The following PPP1R21 variants were observed in gnomAD, a reference collection of about 807,000 sequenced individuals.
PPP1R21 encodes protein phosphatase 1 regulatory subunit 21, also known as KLRAQ motif containing 1.
A neutral mutation model predicts 112.8 loss-of-function variants in PPP1R21; 85 were observed. The observed-to-expected ratio is 0.75, with a 90% confidence interval of 0.63 to 0.90. The LOEUF (loss-of-function observed/expected upper bound fraction) is 0.90, where lower values mean the gene tolerates loss of function less well. PPP1R21 is among the 40% of genes least tolerant of loss of function. PPP1R21 has a pLI of 0.00. For synonymous variants in PPP1R21, 381 were observed against 322.3 expected, an observed-to-expected ratio of 1.18 and a Z score of -1.95; for missense variants, 1,199 against 901.5, an observed-to-expected ratio of 1.33 and a Z score of -4.23.
intron 1 of PPP1R21, among the ~76,000 whole-genome samples, chr2:48,442,048 T>C (rs1308668548): frequency 2.0e-5 from 3 of 152,252 alleles, no homozygotes; most frequent in Non-Finnish European, 2.9e-5. Flanking sequence ...GACACTACAC[T>C]TATTTCAGTG....
At chr2:48,455,704 C>G (rs1366561204) in intron 3 of PPP1R21, among the ~76,000 whole-genome samples, 1 of 152,006 alleles carries the variant, frequency 6.6e-6, no homozygotes, top group Admixed American at 6.6e-5. Context: ...GGGAGATTGT[C>G]AAAGCGTTAC....
Position 48,454,618 on chromosome 2 carries a change from G to C in PPP1R21, c.150G>C (p.Gln50His). 1 of 1,614,150 alleles carries C rather than the reference G, an allele frequency of 6.2e-7. No homozygotes were observed. The highest frequency in any genetic ancestry group is 8.5e-7 in the Non-Finnish European group (1 of 1,179,978). The change falls in exon 3 of 22, where the codon CAG becomes CAC. Residue 50 changes from glutamine to histidine, a missense_variant. Coordinates refer to ENST00000294952, the MANE Select transcript of PPP1R21 (RefSeq NM_001135629.3). Reference sequence around the variant, plus strand: ...AGGAGCAACTGAAAATGAAGGATCAGTCATTGAGAAAACTACAACAGGAAA... The same window carrying C: ...AGGAGCAACTGAAAATGAAGGATCACTCATTGAGAAAACTACAACAGGAAA... ...ALKEQLKMKD[Q>H]SLRKLQQEMD...
At chr2:48,497,985 T>C (rs1335040961) in intron 16 of PPP1R21, among the ~76,000 whole-genome samples, 2 of 152,160 alleles carry the variant, frequency 1.3e-5, no homozygotes, top group Non-Finnish European at 2.9e-5. Context: ...TTTACAAACA[T>C]GTCCATTTTT....
chr2:48,493,602 A>G (rs1025638026), intron 15 of PPP1R21, among the ~76,000 whole-genome samples: 1 of 9,030 alleles, frequency 1.1e-4, no homozygotes, highest in East Asian at 1.3e-3. Flanking sequence ...AAATACATAA[A>G]TAAATAAATT....
intron 21 of PPP1R21, among the ~76,000 whole-genome samples, chr2:48,513,804 T>A (rs1275605550): frequency 6.6e-6 from 1 of 152,192 alleles, no homozygotes; most frequent in East Asian, 1.9e-4. Context: ...GCCTAAGAGT[T>A]AAATACAGGA....
intron 16 of PPP1R21, 88 bp downstream of exon 16, chr2:48,495,859 C>T: frequency 1.4e-6 from 1 of 736,360 alleles, no homozygotes; most frequent in Non-Finnish European, 2.4e-6. Flanking sequence ...TAGAATGATT[C>T]AAAAGTCTGC....
At chr2:48,476,501 T>C (rs1175583771) in intron 12 of PPP1R21, among the ~76,000 whole-genome samples, 1 of 152,244 alleles carries the variant, frequency 6.6e-6, no homozygotes, top group East Asian at 1.9e-4. Context: ...GTGGCAACTC[T>C]GCTTAACTGT....
At chr2:48,465,085 T>G in intron 8 of PPP1R21, 96 bp downstream of exon 8, 1 of 922,348 alleles carries the variant, frequency 1.1e-6, no homozygotes, top group Non-Finnish European at 1.7e-6. Flanking sequence ...GTTTAGTGCA[T>G]TCAGTCATTG....
chr2:48,472,329 G>C (rs1464377969), intron 11 of PPP1R21, among the ~76,000 whole-genome samples: 1 of 144,012 alleles, frequency 6.9e-6, no homozygotes, highest in African/African-American at 2.6e-5. Flanking sequence ...ATAAAATTTA[G>C]AAAATAAGTA....
At chr2:48,491,201 G>A (rs1456116420) in intron 15 of PPP1R21, 31 bp downstream of exon 15, 1 of 1,599,824 alleles carries the variant, frequency 6.3e-7, no homozygotes, top group South Asian at 1.1e-5. Context: ...ATTTAAATCA[G>A]AGGAAACATC....
At chr2:48,488,917 A>G (rs1175349971) in intron 14 of PPP1R21, among the ~76,000 whole-genome samples, 2 of 152,206 alleles carry the variant, frequency 1.3e-5, no homozygotes. Flanking sequence ...AAGAAACCTC[A>G]CAATGTACTA....
intron 3 of PPP1R21, among the ~76,000 whole-genome samples, chr2:48,457,105 T>A (rs1313911176): frequency 6.6e-6 from 1 of 151,746 alleles, no homozygotes; most frequent in African/African-American, 2.4e-5. Context: ...GGGGAGAGAA[T>A]AGTCATCTGA....
chr2:48,478,222 A>G (rs1668845426), intron 12 of PPP1R21, among the ~76,000 whole-genome samples: 1 of 152,160 alleles, frequency 6.6e-6, no homozygotes, highest in African/African-American at 2.4e-5. Context: ...GAGAAAATAA[A>G]TTTCTGTTGT....
chr2:48,445,196 T>C (rs1213566914), intron 1 of PPP1R21, among the ~76,000 whole-genome samples: 1 of 146,050 alleles, frequency 6.8e-6, no homozygotes, highest in East Asian at 2.2e-4. Flanking sequence ...TAAAGTTGGG[T>C]TGGAAAACAG....
At chr2:48,465,433 A>C in intron 8 of PPP1R21, 60 bp from the exon 9 acceptor site, 1 of 1,474,668 alleles carries the variant, frequency 6.8e-7, no homozygotes, top group Non-Finnish European at 9.2e-7. Flanking sequence ...AGACTCAATA[A>C]AGTTCTTTTA....
intron 3 of PPP1R21, among the ~76,000 whole-genome samples, chr2:48,455,475 A>G (rs1207826101): frequency 6.6e-6 from 1 of 152,022 alleles, no homozygotes; most frequent in East Asian, 1.9e-4. Flanking sequence ...CCGTTGTTAC[A>G]CCTGGATATT....
Position 48,515,216 on chromosome 2 carries a change from T to TTCTGTCTCTCTCTC in PPP1R21, c.*475_*476insGTCTCTCTCTCTCT, listed in dbSNP as rs1553350047. On this transcript the variant is annotated 3_prime_UTR_variant, in exon 22 of 22. Coordinates refer to ENST00000294952, the MANE Select transcript of PPP1R21 (RefSeq NM_001135629.3). Reference sequence around the variant, plus strand: ...TTCTTTTTAAAAGATTTGTTCATATTTCTCTCTCTCTCTCTCTCTCTCTCT... The same window carrying TTCTGTCTCTCTCTC: ...TTCTTTTTAAAAGATTTGTTCATATTTCTGTCTCTCTCTCTCTCTCTCTCTCTCTCTCTCTCTCT... The TTCTGTCTCTCTCTC allele has an allele frequency of 7.3e-6, 1 of 136,890 alleles. No homozygotes were observed. Among genetic ancestry groups the TTCTGTCTCTCTCTC allele is most frequent in the Admixed American group, 7.5e-5 (1 of 13,316 alleles). The allele number at this position is 136,890 out of a possible 1,614,324, so 8.5% of individuals were successfully genotyped here. A position where few individuals can be genotyped will look rare whatever the true frequency, so the allele number is the denominator to read the frequency against.
intron 9 of PPP1R21, among the ~76,000 whole-genome samples, chr2:48,469,452 CATATATATATATAGAGCAT>C (rs1228215808): frequency 0.033 from 1,149 of 34,456 alleles, 188 homozygotes; most frequent in African/African-American, 0.039. Context: ...ATAGAGAGAG[CATATATATATATAGAGCAT>C]ATATATATAT....
rs1479565930 is a variant in PPP1R21 at position 48,514,915 on chromosome 2, A to G, written c.*171A>G. ...CTTGAAATATTTAAAACATATTTGT[A>G]ACCAGTGAGGCAAATACAGAAGTTG... On this transcript the variant is annotated 3_prime_UTR_variant, in exon 22 of 22. Transcript: ENST00000294952. The G allele has an allele frequency of 5.0e-6, 3 of 600,934 alleles. No homozygotes were observed. In the East Asian group the frequency reaches 8.4e-5, roughly 17 times the overall value. 37.2% of individuals were successfully genotyped at this position (600,934 alleles called of 1,614,324 possible).
Sources: allele counts gnomAD v4.1 joint callset (sites outside exome capture counted in the v4.1 genomes callset), GRCh38; gene constraint gnomAD v4.1.1; transcripts MANE v1.5; gene names NCBI Gene and HGNC (gene_info 2026-07-23, HGNC 2026-07-21).